DIP2B: variants seen among roughly 807,000 people sequenced by gnomAD.
DIP2B encodes disco-interacting protein 2 homolog B.
In DIP2B, 76 loss-of-function variants were observed where a neutral mutation model predicts 198.0. That is an observed-to-expected ratio of 0.38 (90% CI 0.32 to 0.46). The LOEUF is 0.46. DIP2B is among the 20% of genes least tolerant of loss of function. The pLI, the probability that DIP2B is intolerant of heterozygous loss-of-function variation, is 0.99. For missense variants in DIP2B, 1,559 were observed against 1,978.4 expected (o/e 0.79, Z 4.02); for synonymous variants, 701 against 739.1 (o/e 0.95, Z 0.84).
chr12:50,566,670 C>A (rs562153403), intron 1 of DIP2B, among the ~76,000 whole-genome samples: 1 of 151,972 alleles, frequency 6.6e-6, no homozygotes, highest in East Asian at 1.9e-4. Context: ...TTTTTCTGTT[C>A]TTGAAATTGA....
intron 1 of DIP2B, among the ~76,000 whole-genome samples, chr12:50,530,374 C>T (rs971912781): frequency 1.3e-5 from 2 of 152,178 alleles, no homozygotes; most frequent in African/African-American, 4.8e-5. Context: ...GCCACTGTGC[C>T]CTGCCTCCTC....
At chr12:50,632,736 CATGT>C (rs1938083740) in intron 2 of DIP2B, among the ~76,000 whole-genome samples, 1 of 151,486 alleles carries the variant, frequency 6.6e-6, no homozygotes, top group African/African-American at 2.4e-5. Flanking sequence ...AAGGTTTCAC[CATGT>C]TGGCCAGGCT....
intron 1 of DIP2B, among the ~76,000 whole-genome samples, chr12:50,591,009 G>A (rs1958814322): frequency 6.6e-6 from 1 of 152,212 alleles, no homozygotes; most frequent in Non-Finnish European, 1.5e-5. Flanking sequence ...TTATAAAAGA[G>A]ACTTCACACA....
At chr12:50,599,520 G>A (rs1958917823) in intron 1 of DIP2B, among the ~76,000 whole-genome samples, 2 of 152,048 alleles carry the variant, frequency 1.3e-5, no homozygotes, top group South Asian at 4.1e-4. Flanking sequence ...GAAAGGCTGA[G>A]GCAGGAGAAT....
chr12:50,574,460 G>A (rs78526024), intron 1 of DIP2B, among the ~76,000 whole-genome samples: 1,609 of 152,326 alleles, frequency 0.011, 31 homozygotes, highest in African/African-American at 0.037. Context: ...GACCTACCCC[G>A]TGGGCACAGT....
intron 12 of DIP2B, among the ~76,000 whole-genome samples, chr12:50,689,603 G>T (rs1357442776): frequency 6.6e-6 from 1 of 152,152 alleles, no homozygotes; most frequent in African/African-American, 2.4e-5. Context: ...AACAGGAAGA[G>T]TTTCCAGGGG....
At chr12:50,580,027 T>C (rs1280537046) in intron 1 of DIP2B, among the ~76,000 whole-genome samples, 1 of 148,774 alleles carries the variant, frequency 6.7e-6, no homozygotes, top group African/African-American at 2.5e-5. Flanking sequence ...ACCTAGACCT[T>C]GTGGGGCAAA....
At chr12:50,703,071 A>G (rs2139563692) in intron 19 of DIP2B, among the ~76,000 whole-genome samples, 1 of 152,014 alleles carries the variant, frequency 6.6e-6, no homozygotes, top group African/African-American at 2.4e-5. Flanking sequence ...AACGAATTAA[A>G]AATTAGCTAG....
chr12:50,711,136 T>G (rs947993288), intron 22 of DIP2B, among the ~76,000 whole-genome samples: 4 of 152,234 alleles, frequency 2.6e-5, no homozygotes, highest in African/African-American at 9.6e-5. Context: ...CAAACTCTTG[T>G]GAAAGTCACT....
chr12:50,717,480 C>G (rs1413987334), intron 23 of DIP2B, among the ~76,000 whole-genome samples: 2 of 151,066 alleles, frequency 1.3e-5, no homozygotes, highest in Non-Finnish European at 2.9e-5. Flanking sequence ...ATTCTCCTGC[C>G]TCAGCCTCCC....
intron 1 of DIP2B, among the ~76,000 whole-genome samples, chr12:50,538,148 T>C (rs894254635): frequency 6.6e-6 from 1 of 152,052 alleles, no homozygotes; most frequent in African/African-American, 2.4e-5. Flanking sequence ...ATAGGTTAGA[T>C]CTCTGGATGT....
At chr12:50,674,189 G>A (rs989580617) in intron 5 of DIP2B, among the ~76,000 whole-genome samples, 5 of 152,138 alleles carry the variant, frequency 3.3e-5, no homozygotes, top group African/African-American at 1.2e-4. Context: ...CAGCCTTTCT[G>A]TGTAGAAAAT....
intron 1 of DIP2B, among the ~76,000 whole-genome samples, chr12:50,508,889 G>A (rs1957990757): frequency 6.6e-6 from 1 of 151,970 alleles, no homozygotes; most frequent in Non-Finnish European, 1.5e-5. Context: ...TAGTAGACAC[G>A]GGTTTTCTCC....
intron 1 of DIP2B, among the ~76,000 whole-genome samples, chr12:50,553,249 G>T (rs1474908924): frequency 2.6e-5 from 4 of 152,154 alleles, no homozygotes; most frequent in Non-Finnish European, 5.9e-5. Context: ...CCCATTGAGT[G>T]GTCTTGGCAC....
Position 50,699,106 on chromosome 12 carries a change from C to G in DIP2B, c.2229C>G (p.Leu743=). The change falls in exon 19 of 38, where the codon CTC becomes CTG. Residue 743 remains leucine (L), a synonymous_variant. Transcript: ENST00000301180. ...CIVKPDGPPQ[L]CKTDEIGEIC... is the part of the protein sequence containing the mutation. Reference sequence around the variant, plus strand: ...TGAAACCAGATGGACCTCCCCAGCTCTGCAAAACAGATGAAATTGGAGAAA... The same window carrying G: ...TGAAACCAGATGGACCTCCCCAGCTGTGCAAAACAGATGAAATTGGAGAAA... 1.2e-6 allele frequency: 2 copies of G among 1,614,170 alleles called. No individual in the cohort carries two copies. Among genetic ancestry groups the G allele is most frequent in the Non-Finnish European group, 1.7e-6 (2 of 1,180,028 alleles).
rs776085981 is a variant in DIP2B, at chr12:50,671,252, AACAGAGCTT to A, written c.500_508del (p.Ser167_Gln169del). On this transcript the variant is annotated inframe_deletion, in exon 5 of 38. Coordinates refer to ENST00000301180, the MANE Select transcript of DIP2B (RefSeq NM_173602.3). ...CAAGCTGCGCTCTCTGCTGCCTTGC[AACAGAGCTT>A]ACAGAATGCTGAGTCCTGGATCAAC... The A allele has an allele frequency of 5.0e-6, 8 of 1,614,062 alleles. No individual in the cohort carries two copies. The highest frequency in any genetic ancestry group is 1.6e-4 in the Middle Eastern group (1 of 6,084).
intron 1 of DIP2B, among the ~76,000 whole-genome samples, chr12:50,594,107 AT>A (rs1176681636): frequency 6.8e-6 from 1 of 148,124 alleles, no homozygotes; most frequent in African/African-American, 2.5e-5. Flanking sequence ...TGCTCTGCTA[AT>A]TTTTTTTGTA....
chr12:50,724,930 A>AGG, intron 28 of DIP2B, 44 bp downstream of exon 28: 1 of 1,567,150 alleles, frequency 6.4e-7, no homozygotes, highest in Non-Finnish European at 8.8e-7. Flanking sequence ...CTGAGAGCTC[A>AGG]CAATACCTGA....
At chr12:50,525,757 C>T (rs1451782506) in intron 1 of DIP2B, among the ~76,000 whole-genome samples, 2 of 152,136 alleles carry the variant, frequency 1.3e-5, no homozygotes, top group African/African-American at 4.8e-5. Flanking sequence ...AAGCCATCCT[C>T]CCACCTTGGC....
Sources: gnomAD v4.1 joint callset for allele counts (sites outside exome capture counted in the v4.1 genomes callset) on GRCh38, gnomAD v4.1.1 for gene constraint, MANE v1.5 for transcripts, NCBI Gene and HGNC (gene_info 2026-07-23, HGNC 2026-07-21) for gene names.